Variants in CENPP observed in about 807,000 individuals in gnomAD.
CENPP encodes centromere protein P.
Under a neutral mutation model 35.6 loss-of-function variants are expected in CENPP, and 24 were observed. That is an observed-to-expected ratio of 0.67 (90% CI 0.49 to 0.95). The LOEUF is 0.95. Among genes scored for constraint, CENPP ranks in the 40% least tolerant of loss-of-function variants. The pLI is 0.00. For missense variants in CENPP, 332 were observed against 345.3 expected (o/e 0.96, Z 0.31); for synonymous variants, 120 against 125.5 (o/e 0.96, Z 0.29).
intron 5 of CENPP, chr9:92,522,519 A>G (rs964616545): frequency 1.4e-6 from 2 of 1,464,538 alleles, no homozygotes; most frequent in Non-Finnish European, 1.8e-6. Context: ...CTCTTTCCCC[A>G]TACCATCTCT....
intron 4 of CENPP, among the ~76,000 whole-genome samples, chr9:92,366,189 A>C (rs1035896944): frequency 6.6e-6 from 1 of 151,848 alleles, no homozygotes; most frequent in Non-Finnish European, 1.5e-5. Context: ...AAAAAAAAAA[A>C]AAAAAAAAAG....
intron 5 of CENPP, among the ~76,000 whole-genome samples, chr9:92,525,844 G>T (rs972452147): frequency 7.3e-6 from 1 of 136,414 alleles, no homozygotes; most frequent in Non-Finnish European, 1.5e-5. Flanking sequence ...GAGTAGCTAG[G>T]ACTACAGGTA....
At chr9:92,505,188 A>G (rs1480620087) in intron 5 of CENPP, among the ~76,000 whole-genome samples, 1 of 152,200 alleles carries the variant, frequency 6.6e-6, no homozygotes, top group Non-Finnish European at 1.5e-5. Context: ...TTCTGTGATA[A>G]GCGTCACATT....
intron 4 of CENPP, among the ~76,000 whole-genome samples, chr9:92,352,501 G>GTATACATATA (rs1841478475): frequency 4.0e-5 from 3 of 74,604 alleles, no homozygotes; most frequent in Non-Finnish European, 7.1e-5. Flanking sequence ...GTGTGTGTGT[G>GTATACATATA]TGTGTATACA....
chr9:92,485,441 T>C (rs1055325013), intron 5 of CENPP, among the ~76,000 whole-genome samples: 6 of 152,240 alleles, frequency 3.9e-5, no homozygotes, highest in African/African-American at 1.4e-4. Context: ...TTCTCAGTAC[T>C]GACAGTTTAT....
At chr9:92,461,522 C>T (rs768804328) in intron 5 of CENPP, among the ~76,000 whole-genome samples, 3 of 152,130 alleles carry the variant, frequency 2.0e-5, no homozygotes, top group Non-Finnish European at 4.4e-5. Flanking sequence ...TTGTTTGAGA[C>T]ACTCCTTTTG....
intron 5 of CENPP, among the ~76,000 whole-genome samples, chr9:92,455,960 A>T (rs1844864752): frequency 2.0e-5 from 3 of 152,128 alleles, no homozygotes; most frequent in African/African-American, 7.2e-5. Context: ...AATCCCAGCT[A>T]TTTGGGAGGC....
intron 4 of CENPP, 137 bp downstream of exon 4, chr9:92,345,924 T>A (rs1285058236): frequency 1.7e-5 from 10 of 576,696 alleles, no homozygotes; most frequent in Non-Finnish European, 3.0e-5. Context: ...GTGCTTATAT[T>A]TGAGCCCATA....
intron 3 of CENPP, chr9:92,340,587 T>G (rs190076193): frequency 6.1e-4 from 93 of 152,824 alleles, no homozygotes; most frequent in Non-Finnish European, 1.0e-3. Flanking sequence ...TTGTGAAGAT[T>G]TCATGGACAT....
intron 5 of CENPP, among the ~76,000 whole-genome samples, chr9:92,463,286 G>A (rs184580891): frequency 1.3e-5 from 2 of 152,166 alleles, no homozygotes; most frequent in African/African-American, 2.4e-5. Flanking sequence ...CTTGCCACAG[G>A]GGGTAATACT....
At chr9:92,371,511 C>T (rs549428260) in intron 4 of CENPP, among the ~76,000 whole-genome samples, 60 of 152,222 alleles carry the variant, frequency 3.9e-4, no homozygotes, top group African/African-American at 1.4e-3. Context: ...AATGTTGAGA[C>T]TTGTTTTGTG....
At chr9:92,604,148 A>G (rs1034709693) in intron 5 of CENPP, among the ~76,000 whole-genome samples, 5 of 152,196 alleles carry the variant, frequency 3.3e-5, no homozygotes, top group Non-Finnish European at 7.3e-5. Context: ...AACTTATCCA[A>G]TTCCTAGCAG....
At chr9:92,400,429 G>A (rs1316460853) in intron 5 of CENPP, among the ~76,000 whole-genome samples, 1 of 152,156 alleles carries the variant, frequency 6.6e-6, no homozygotes, top group Non-Finnish European at 1.5e-5. Flanking sequence ...GATTACAGGC[G>A]TGAGCCACCA....
intron 1 of CENPP, among the ~76,000 whole-genome samples, chr9:92,331,029 A>G (rs1289695449): frequency 6.6e-6 from 1 of 152,004 alleles, no homozygotes; most frequent in Non-Finnish European, 1.5e-5. Flanking sequence ...AAATATATTT[A>G]TATGTTCTCA....
chr9:92,505,357 C>T (rs1459909421), intron 5 of CENPP, among the ~76,000 whole-genome samples: 3 of 151,912 alleles, frequency 2.0e-5, no homozygotes, highest in Non-Finnish European at 4.4e-5. Context: ...ATTATAATTT[C>T]GATTCAGAAT....
At chr9:92,578,312 C>T (rs574149399) in intron 5 of CENPP, among the ~76,000 whole-genome samples, 1 of 152,082 alleles carries the variant, frequency 6.6e-6, no homozygotes, top group African/African-American at 2.4e-5. Context: ...TGGGTATATA[C>T]CCAGTAATGC....
At chr9:92,579,497 T>C (rs1233270521) in intron 5 of CENPP, among the ~76,000 whole-genome samples, 3 of 151,992 alleles carry the variant, frequency 2.0e-5, no homozygotes, top group African/African-American at 2.4e-5. Context: ...TTTGTAGTTC[T>C]CCTTGAAGAG....
chr9:92,402,993 T>C (rs559850786), intron 5 of CENPP, among the ~76,000 whole-genome samples: 53 of 152,326 alleles, frequency 3.5e-4, no homozygotes, highest in African/African-American at 1.3e-3. Flanking sequence ...TCTAGTTTTC[T>C]TTAAGTTTTA....
rs1183725347 is a variant in CENPP, at chr9:92,459,797, T to A, written c.564+79938T>A. On this transcript the variant is annotated intron_variant, in intron 5 of 7. Coordinates refer to ENST00000375587, the MANE Select transcript of CENPP (RefSeq NM_001012267.3). ...TAAAAATGATATAAAATGCATCAAG[T>A]CTTACACAGATGGTTAGGTGTGATA... 1.1e-5 allele frequency: 18 copies of A among 1,609,152 alleles called. 1 individual carries two copies. The highest frequency in any genetic ancestry group is 1.5e-5 in the Non-Finnish European group (18 of 1,176,914).
Sources: gnomAD v4.1 joint callset for allele counts (sites outside exome capture counted in the v4.1 genomes callset) on GRCh38, gnomAD v4.1.1 for gene constraint, MANE v1.5 for transcripts, NCBI Gene and HGNC (gene_info 2026-07-23, HGNC 2026-07-21) for gene names.